The following ENTREP2 variants were observed in gnomAD, a reference collection of about 807,000 sequenced individuals.
The protein encoded by ENTREP2 is endosomal transmembrane epsin interactor 2.
At chr15:29,214,638 G>A in the ENTREP2 span, among the ~76,000 whole-genome samples, 2 of 150,112 alleles carry the variant, frequency 1.3e-5, no homozygotes, top group East Asian at 2.0e-4. Context: ...GTATACATAT[G>A]TAACAAACCA....
chr15:29,657,123 C>G, the ENTREP2 span, among the ~76,000 whole-genome samples: 1 of 152,186 alleles, frequency 6.6e-6, no homozygotes, highest in East Asian at 1.9e-4. Flanking sequence ...TCTTGGCTCA[C>G]TGCAAGCTCC....
At chr15:29,439,606 A>T in the ENTREP2 span, among the ~76,000 whole-genome samples, 2 of 152,222 alleles carry the variant, frequency 1.3e-5, no homozygotes, top group South Asian at 4.1e-4. Flanking sequence ...CTGGGCCCAG[A>T]TCCACTCTAG....
chr15:29,617,876 G>A, the ENTREP2 span, among the ~76,000 whole-genome samples: 4 of 152,154 alleles, frequency 2.6e-5, no homozygotes, highest in African/African-American at 7.2e-5. Flanking sequence ...CAGCCCTCTC[G>A]GGCAGAAGGT....
the ENTREP2 span, among the ~76,000 whole-genome samples, chr15:29,564,007 T>G: frequency 1.3e-5 from 2 of 152,218 alleles, no homozygotes; most frequent in African/African-American, 2.4e-5. Context: ...ATGTTTTCAC[T>G]GAATAAATGT....
At chr15:29,137,146 G>A in the ENTREP2 span, 21 of 1,481,244 alleles carry the variant, frequency 1.4e-5, no homozygotes, top group Non-Finnish European at 8.9e-7. Context: ...ACGGTGCCGT[G>A]AGGAGTCACG....
chr15:29,398,183 AATT>A, the ENTREP2 span, among the ~76,000 whole-genome samples: 1 of 149,758 alleles, frequency 6.7e-6, no homozygotes, highest in Non-Finnish European at 1.5e-5. Context: ...TAAACACACA[AATT>A]TAAATGCCAA....
the ENTREP2 span, among the ~76,000 whole-genome samples, chr15:29,361,602 T>G: frequency 2.6e-4 from 39 of 152,330 alleles, no homozygotes; most frequent in African/African-American, 8.9e-4. Context: ...CTTCTTAGTT[T>G]CCAAGTCATT....
the ENTREP2 span, among the ~76,000 whole-genome samples, chr15:29,657,243 T>C: frequency 6.6e-6 from 1 of 151,614 alleles, no homozygotes; most frequent in Non-Finnish European, 1.5e-5. Flanking sequence ...GCATTTTTAG[T>C]GGCTACAGGG....
At chr15:29,357,349 A>C in the ENTREP2 span, among the ~76,000 whole-genome samples, 1 of 152,238 alleles carries the variant, frequency 6.6e-6, no homozygotes, top group Non-Finnish European at 1.5e-5. Flanking sequence ...TAATAAATTA[A>C]TAAAGATAAC....
the ENTREP2 span, among the ~76,000 whole-genome samples, chr15:29,543,523 G>A: frequency 7.5e-6 from 1 of 133,448 alleles, no homozygotes; most frequent in Non-Finnish European, 1.6e-5. Context: ...GCTCACGCCT[G>A]TAATCCCAGC....
the ENTREP2 span, among the ~76,000 whole-genome samples, chr15:29,656,987 G>C: frequency 5.6e-3 from 857 of 152,184 alleles, 9 homozygotes; most frequent in African/African-American, 0.02. Context: ...AGTTGCTGCC[G>C]GCCAGGGTGT....
the ENTREP2 span, among the ~76,000 whole-genome samples, chr15:29,477,850 T>C: frequency 6.6e-6 from 1 of 151,796 alleles, no homozygotes; most frequent in Non-Finnish European, 1.5e-5. Context: ...TGGATGGCCC[T>C]CACTGGTCAA....
chr15:29,657,483 C>CGGGCGGG, the ENTREP2 span, among the ~76,000 whole-genome samples: 1 of 69,434 alleles, frequency 1.4e-5, no homozygotes, highest in African/African-American at 6.0e-5. Flanking sequence ...GCTGGGGGGG[C>CGGGCGGG]GGGGGGGGGG....
chr15:29,642,703 C>T, the ENTREP2 span, among the ~76,000 whole-genome samples: 1 of 151,884 alleles, frequency 6.6e-6, no homozygotes, highest in Non-Finnish European at 1.5e-5. Context: ...ACCTCTGCCT[C>T]CCAGGTTCAA....
chr15:29,331,632 G>A, the ENTREP2 span, among the ~76,000 whole-genome samples: 1 of 152,308 alleles, frequency 6.6e-6, no homozygotes, highest in South Asian at 2.1e-4. Context: ...GAACACTGGT[G>A]CACCGATATT....
chr15:29,555,043 C>A, the ENTREP2 span, among the ~76,000 whole-genome samples: 1 of 152,152 alleles, frequency 6.6e-6, no homozygotes, highest in African/African-American at 2.4e-5. Context: ...TATCCACTGA[C>A]AAACAGCTAC....
chr15:29,471,610 T>C, the ENTREP2 span, among the ~76,000 whole-genome samples: 62,430 of 151,886 alleles, frequency 0.41, 13,338 homozygotes, highest in African/African-American at 0.54. Context: ...CATATGCCCA[T>C]CATAACCCAC....
chr15:29,221,421 C>T, the ENTREP2 span, among the ~76,000 whole-genome samples: 3 of 152,020 alleles, frequency 2.0e-5, no homozygotes, highest in East Asian at 3.9e-4. Context: ...AGGCTGGTCT[C>T]GAACTCCTGA....
chr15:29,344,070 T>C, the ENTREP2 span, among the ~76,000 whole-genome samples: 1 of 152,190 alleles, frequency 6.6e-6, no homozygotes, highest in Non-Finnish European at 1.5e-5. Flanking sequence ...AAGCATTTGA[T>C]ACAAGGTTTA....
Sources: allele counts gnomAD v4.1 joint callset (sites outside exome capture counted in the v4.1 genomes callset), GRCh38; gene constraint gnomAD v4.1.1; transcripts MANE v1.5; gene names NCBI Gene and HGNC (gene_info 2026-07-23, HGNC 2026-07-21).